PKD1L3: variants seen among roughly 807,000 people sequenced by gnomAD.
PKD1L3 encodes polycystin-1-like protein 3.
In PKD1L3, 239 loss-of-function variants were observed where a neutral mutation model predicts 184.1. The observed-to-expected ratio is 1.30, with a 90% CI of 1.17 to 1.45. PKD1L3 has a LOEUF of 1.45. Ranked by LOEUF, PKD1L3 falls within the 40% of genes most tolerant of loss-of-function variation. The probability of loss-of-function intolerance (pLI) is 0.00; values close to 1 mark genes in which losing one functional copy is unlikely to be tolerated. For synonymous variants in PKD1L3, 996 were observed against 778.8 expected (o/e 1.28, Z -4.64); for missense variants, 2,660 against 2,067.2 (o/e 1.29, Z -5.56).
At chr16:71,974,346 C>T (rs537411580) in intron 11 of PKD1L3, among the ~76,000 whole-genome samples, 145 of 152,240 alleles carry the variant, frequency 9.5e-4, no homozygotes, top group African/African-American at 3.2e-3. Context: ...AGGCCCCTTC[C>T]GGCTCTGAAT....
intron 2 of PKD1L3, 73 bp from the exon 3 acceptor site, chr16:71,993,405 CATGCACGT>C: frequency 2.1e-6 from 2 of 940,214 alleles, no homozygotes; most frequent in Non-Finnish European, 3.1e-6. Context: ...ACCATCATTA[CATGCACGT>C]ATGTGATAAT....
intron 16 of PKD1L3, among the ~76,000 whole-genome samples, chr16:71,961,388 G>T (rs898316730): frequency 2.0e-5 from 3 of 152,138 alleles, no homozygotes; most frequent in Admixed American, 6.5e-5. Context: ...CTCCCAAAAT[G>T]TTGGGATTAC....
chr16:71,968,111 C>G, intron 13 of PKD1L3, 104 bp from the exon 14 acceptor site: 1 of 870,636 alleles, frequency 1.1e-6, no homozygotes, highest in East Asian at 2.7e-5. Context: ...AGGTGTCTGG[C>G]AGCCCTGCAG....
Position 71,942,925 on chromosome 16 carries a change from T to C in PKD1L3, c.3959A>G (p.His1320Arg), listed in dbSNP as rs2038412632. 1 of 1,551,410 alleles carries C rather than the reference T, an allele frequency of 6.4e-7. No homozygotes were observed. Among genetic ancestry groups the C allele is most frequent in the Admixed American group, 2.0e-5 (1 of 50,978 alleles). The change falls in exon 24 of 30, where the codon CAC becomes CGC. Residue 1320 changes from histidine to arginine, a missense_variant. His to Arg is a conservative substitution (Grantham distance 29). Transcript: ENST00000620267. Reference sequence around the variant, plus strand: ...AAGAAGTTTGATTTCCGAGAACTGGTGCGAAAATGTCTTCCAGATAGCTTG... The same window carrying C: ...AAGAAGTTTGATTTCCGAGAACTGGCGCGAAAATGTCTTCCAGATAGCTTG... Reference protein sequence around the residue: ...LHQAIWKTFSHQFSEIKLLQD... With the variant: ...LHQAIWKTFSRQFSEIKLLQD...
intron 16 of PKD1L3, among the ~76,000 whole-genome samples, chr16:71,955,781 C>T (rs1052318075): frequency 1.3e-5 from 2 of 152,096 alleles, no homozygotes; most frequent in African/African-American, 2.4e-5. Context: ...TGATCGTGAG[C>T]GAGTTCTCAC....
intron 2 of PKD1L3, among the ~76,000 whole-genome samples, chr16:71,997,080 G>C (rs545706257): frequency 3.6e-4 from 55 of 152,034 alleles, no homozygotes; most frequent in Admixed American, 7.2e-4. Flanking sequence ...AGAGTCACCC[G>C]GGAGAGTGGA....
rs1056308732 is a variant in PKD1L3, at chr16:71,995,077, T to C, written c.419-1745A>G. On this transcript the variant is annotated intron_variant, in intron 2 of 29. Coordinates refer to ENST00000620267, the MANE Select transcript of PKD1L3 (RefSeq NM_181536.2). ...TAACAGACTACCACAAACAGGGTAA[T>C]TTATAAAGAACAGAAATCTAATGCT... 2.0e-5 allele frequency among the ~76,000 whole-genome samples: 3 copies of C among 152,164 alleles called. No homozygotes were observed. In the South Asian group the frequency reaches 6.2e-4, roughly 32 times the overall value.
In PKD1L3 at chr16:71,978,327, T is replaced by C. The variant is rs551098165; in HGVS notation, c.1455A>G (p.Gly485=). The C allele has an allele frequency of 4.2e-5, 65 of 1,550,884 alleles. No homozygotes were observed. The East Asian group carries it at 1.6e-3, about 38-fold the overall frequency. The change falls in exon 10 of 30, where the codon GGA becomes GGG. Residue 485 remains glycine (G), a synonymous_variant. Transcript: ENST00000620267. ...FKDLDNRNIV[G]SIGSVLLSAN... is the part of the protein sequence containing the mutation. The stretch of plus-strand genomic sequence containing the variant: ...CGCTTAGTAACACACTTCCAATGCT[T>C]CCAACAATGTTTCTGTTGTCCAAAT...
chr16:71,961,188 G>A (rs536615975), intron 16 of PKD1L3, among the ~76,000 whole-genome samples: 51 of 152,030 alleles, frequency 3.4e-4, no homozygotes, highest in African/African-American at 8.9e-4. Context: ...GTGCAGTGGC[G>A]TGATCTCAGC....
rs1279365180 is a variant in PKD1L3, at chr16:71,933,524, G to A, written c.4825-3C>T. 1 of 1,546,786 alleles carries A rather than the reference G, an allele frequency of 6.5e-7. No individual in the cohort carries two copies. The stretch of plus-strand genomic sequence containing the variant: ...CTGCATCCAAACAGCAGGTTAAACT[G>A]AACAGAAGGAGAAAGGCCAGTTAGT... On this transcript the variant is annotated splice_region_variant and splice_polypyrimidine_tract_variant and intron_variant, in intron 27 of 29. Transcript: ENST00000620267.
chr16:71,976,973 G>C (rs1459880386), intron 11 of PKD1L3, among the ~76,000 whole-genome samples: 1 of 152,058 alleles, frequency 6.6e-6, no homozygotes, highest in Non-Finnish European at 1.5e-5. Context: ...TCGATCTCCT[G>C]ACCTTGTGAT....
In PKD1L3 at chr16:71,933,535, G is replaced by T; in HGVS notation, c.4825-14C>A. On this transcript the variant is annotated splice_polypyrimidine_tract_variant and intron_variant, in intron 27 of 29. Coordinates refer to ENST00000620267, the MANE Select transcript of PKD1L3 (RefSeq NM_181536.2). ...CAGCAGGTTAAACTGAACAGAAGGA[G>T]AAAGGCCAGTTAGTGCAAGCCGAGC... The T allele has an allele frequency of 6.5e-7, 1 of 1,528,040 alleles. No individual in the cohort carries two copies. Among genetic ancestry groups the T allele is most frequent in the Non-Finnish European group, 8.9e-7 (1 of 1,125,346 alleles). The allele number at this position is 1,528,040 out of a possible 1,614,324, so 94.7% of individuals were successfully genotyped here. A position where few individuals can be genotyped will look rare whatever the true frequency, so the allele number is the denominator to read the frequency against.
intron 17 of PKD1L3, among the ~76,000 whole-genome samples, chr16:71,953,888 T>C (rs1358484134): frequency 6.6e-6 from 1 of 152,154 alleles, no homozygotes; most frequent in African/African-American, 2.4e-5. Context: ...TTCTTTCTAA[T>C]CCTGAAAGTA....
At chr16:71,955,752 T>G (rs2039020832) in intron 16 of PKD1L3, among the ~76,000 whole-genome samples, 1 of 152,142 alleles carries the variant, frequency 6.6e-6, no homozygotes, top group Non-Finnish European at 1.5e-5. Context: ...TGGGGTCAGT[T>G]TCCCCCATCC....
intron 11 of PKD1L3, among the ~76,000 whole-genome samples, chr16:71,975,727 C>T (rs1279800791): frequency 6.6e-6 from 1 of 152,110 alleles, no homozygotes; most frequent in Non-Finnish European, 1.5e-5. Context: ...CTTATCCATC[C>T]TATAATCCAT....
intron 3 of PKD1L3, among the ~76,000 whole-genome samples, chr16:71,992,228 G>T (rs2143857548): frequency 6.6e-6 from 1 of 152,318 alleles, no homozygotes; most frequent in African/African-American, 2.4e-5. Flanking sequence ...CATATTGCTT[G>T]TTAGGTAAAT....
At chr16:71,998,475 C>A in intron 1 of PKD1L3, 81 bp from the exon 2 acceptor site, 1 of 1,465,226 alleles carries the variant, frequency 6.8e-7, no homozygotes, top group South Asian at 1.4e-5. Context: ...GTTTTTGAGA[C>A]AGTCCCACTC....
chr16:71,963,413 G>C (rs2039362865), intron 15 of PKD1L3, 62 bp from the exon 16 acceptor site: 5 of 1,432,692 alleles, frequency 3.5e-6, no homozygotes, highest in Admixed American at 4.9e-5. Context: ...TCTGTAGTAA[G>C]ACGTAATCTC....
intron 1 of PKD1L3, among the ~76,000 whole-genome samples, chr16:71,998,962 G>T (rs1421065350): frequency 1.3e-5 from 2 of 152,070 alleles, no homozygotes; most frequent in African/African-American, 4.8e-5. Flanking sequence ...CAAGATTATG[G>T]TGCATAACTT....
Sources: allele counts gnomAD v4.1 joint callset (sites outside exome capture counted in the v4.1 genomes callset), GRCh38; gene constraint gnomAD v4.1.1; transcripts MANE v1.5; gene names NCBI Gene and HGNC (gene_info 2026-07-23, HGNC 2026-07-21).